ZNF385B: variants seen among roughly 807,000 people sequenced by gnomAD.
The protein encoded by ZNF385B is zinc finger protein 533.
Under a neutral mutation model 39.2 loss-of-function variants are expected in ZNF385B, and 23 were observed. That is an observed-to-expected ratio of 0.59 (90% CI 0.42 to 0.83). The LOEUF (loss-of-function observed/expected upper bound fraction) is 0.83, where lower values mean the gene tolerates loss of function less well. ZNF385B is among the 40% of genes least tolerant of loss of function. The pLI is 0.00. For missense variants in ZNF385B, 552 were observed against 598.9 expected, an observed-to-expected ratio of 0.92 and a Z score of 0.82; for synonymous variants, 205 against 222.6, an observed-to-expected ratio of 0.92 and a Z score of 0.70.
At chr2:179,563,279 T>C (rs906863528) in intron 3 of ZNF385B, among the ~76,000 whole-genome samples, 3 of 152,302 alleles carry the variant, frequency 2.0e-5, no homozygotes, top group East Asian at 3.9e-4. Flanking sequence ...ATCTGATATA[T>C]CCATGTTACA....
chr2:179,512,949 G>C (rs572334983), intron 5 of ZNF385B, among the ~76,000 whole-genome samples: 5 of 152,250 alleles, frequency 3.3e-5, no homozygotes, highest in African/African-American at 1.2e-4. Flanking sequence ...GATGATATAA[G>C]CTAGACAAAG....
intron 3 of ZNF385B, among the ~76,000 whole-genome samples, chr2:179,586,730 T>G (rs1687104595): frequency 6.6e-6 from 1 of 152,238 alleles, no homozygotes; most frequent in Non-Finnish European, 1.5e-5. Context: ...AACAGTGAGC[T>G]AGATCATTTT....
intron 1 of ZNF385B, among the ~76,000 whole-genome samples, chr2:179,779,869 C>T (rs1204664957): frequency 6.6e-6 from 1 of 152,046 alleles, no homozygotes; most frequent in Non-Finnish European, 1.5e-5. Flanking sequence ...CCACAATGTA[C>T]CCATATATTA....
At chr2:179,734,768 T>C (rs144470272) in intron 3 of ZNF385B, among the ~76,000 whole-genome samples, 15 of 152,290 alleles carry the variant, frequency 9.8e-5, no homozygotes, top group Admixed American at 9.8e-4. Flanking sequence ...AATAATAGAA[T>C]ATGTATACTG....
intron 3 of ZNF385B, among the ~76,000 whole-genome samples, chr2:179,678,129 CCTTCA>C (rs1282673844): frequency 6.6e-6 from 1 of 152,074 alleles, no homozygotes; most frequent in African/African-American, 2.4e-5. Context: ...TCTGTGATTC[CCTTCA>C]CTCATGACCA....
chr2:179,727,950 T>A (rs1457777441), intron 3 of ZNF385B, among the ~76,000 whole-genome samples: 1 of 152,120 alleles, frequency 6.6e-6, no homozygotes, highest in African/African-American at 2.4e-5. Flanking sequence ...GTAAAATGCA[T>A]GAATATTGAT....
chr2:179,581,960 G>GA (rs1178300625), intron 3 of ZNF385B, among the ~76,000 whole-genome samples: 1 of 152,106 alleles, frequency 6.6e-6, no homozygotes, highest in Non-Finnish European at 1.5e-5. Context: ...TCTGTCTTAT[G>GA]AAAACCACTT....
intron 3 of ZNF385B, among the ~76,000 whole-genome samples, chr2:179,548,833 T>A (rs140288405): frequency 6.7e-6 from 1 of 149,338 alleles, no homozygotes; most frequent in Non-Finnish European, 1.5e-5. Context: ...CATGTGGGGA[T>A]TGTGGGAGCT....
At chr2:179,524,551 C>CAAA (rs770219234) in intron 4 of ZNF385B, among the ~76,000 whole-genome samples, 4 of 60,990 alleles carry the variant, frequency 6.6e-5, no homozygotes, top group African/African-American at 3.1e-4. Context: ...GACTCCGTCT[C>CAAA]AAAAAAAAAA....
intron 5 of ZNF385B, among the ~76,000 whole-genome samples, chr2:179,484,448 A>G (rs1574379922): frequency 6.6e-6 from 1 of 152,174 alleles, no homozygotes; most frequent in East Asian, 1.9e-4. Context: ...GCAAAGCAAG[A>G]TGAACTTTTG....
At chr2:179,642,092 T>C (rs1043035124) in intron 3 of ZNF385B, among the ~76,000 whole-genome samples, 1 of 152,150 alleles carries the variant, frequency 6.6e-6, no homozygotes, top group African/African-American at 2.4e-5. Context: ...TTCAGAGATA[T>C]TGAAAACTTT....
chr2:179,516,074 A>T (rs1202610605), intron 5 of ZNF385B, among the ~76,000 whole-genome samples: 1 of 151,786 alleles, frequency 6.6e-6, no homozygotes, highest in African/African-American at 2.4e-5. Flanking sequence ...TTTGAGATTC[A>T]TCCACATTGT....
chr2:179,718,741 G>A (rs1700490138), intron 3 of ZNF385B, among the ~76,000 whole-genome samples: 1 of 150,382 alleles, frequency 6.6e-6, no homozygotes, highest in Non-Finnish European at 1.5e-5. Context: ...GGTGCCTCAT[G>A]CCTGTAATCA....
chr2:179,687,352 A>C (rs1285800397), intron 3 of ZNF385B, among the ~76,000 whole-genome samples: 3 of 151,976 alleles, frequency 2.0e-5, no homozygotes, highest in Non-Finnish European at 4.4e-5. Flanking sequence ...TTTTTCTTCT[A>C]GTTCCAGGTC....
At chr2:179,519,107 A>C (rs1422578086) in intron 4 of ZNF385B, among the ~76,000 whole-genome samples, 1 of 152,184 alleles carries the variant, frequency 6.6e-6, no homozygotes, top group African/African-American at 2.4e-5. Context: ...CAGCCGCCCG[A>C]GTAGCTGGGA....
intron 3 of ZNF385B, among the ~76,000 whole-genome samples, chr2:179,717,783 T>C (rs772960653): frequency 1.3e-5 from 2 of 152,168 alleles, no homozygotes; most frequent in Non-Finnish European, 2.9e-5. Context: ...TTCTGAGTTG[T>C]TTCCTACCTC....
intron 5 of ZNF385B, among the ~76,000 whole-genome samples, chr2:179,512,925 G>A (rs2057789217): frequency 6.6e-6 from 1 of 152,106 alleles, no homozygotes; most frequent in African/African-American, 2.4e-5. Context: ...TTTTCAACAG[G>A]GTAGTTCTAC....
Position 179,769,539 on chromosome 2 carries a change from G to C in ZNF385B, c.262C>G (p.Pro88Ala). The C allele has an allele frequency of 6.2e-7, 1 of 1,614,066 alleles. No homozygotes were observed. The change falls in exon 3 of 10, where the codon CCC (proline) becomes GCC (alanine). Residue 88 changes from proline (P) to alanine (A), a missense_variant. Physicochemically the swap from Pro to Ala is conservative, Grantham distance 27 (BLOSUM62 -1). Coordinates refer to ENST00000410066, the MANE Select transcript of ZNF385B (RefSeq NM_152520.6). ...TTGCTGCTGGGGCTGGCCTGGGCGG[G>C]TGGTGGGGGCTGCCCATCACTCAGC... ...KQLSDGQPPP[P>A]AQASPSSNSS...
At chr2:179,487,768 G>A (rs1188321449) in intron 5 of ZNF385B, among the ~76,000 whole-genome samples, 1 of 152,178 alleles carries the variant, frequency 6.6e-6, no homozygotes, top group African/African-American at 2.4e-5. Context: ...CCCCTAACTG[G>A]CAGTGACCAA....
Sources: allele counts gnomAD v4.1 joint callset (sites outside exome capture counted in the v4.1 genomes callset), GRCh38; gene constraint gnomAD v4.1.1; transcripts MANE v1.5; gene names NCBI Gene and HGNC (gene_info 2026-07-23, HGNC 2026-07-21).